Variants in LHFPL6 observed in about 807,000 individuals in gnomAD.
LHFPL6 encodes the protein LHFPL tetraspan subfamily member 6.
Under a neutral mutation model 20.6 loss-of-function variants are expected in LHFPL6, and 9 were observed. The observed-to-expected ratio is 0.44, with a 90% CI of 0.26 to 0.76. The LOEUF (loss-of-function observed/expected upper bound fraction) is 0.76. LHFPL6 is among the 30% of genes least tolerant of loss of function. The probability of loss-of-function intolerance (pLI) is 0.20; values close to 1 mark genes in which losing one functional copy is unlikely to be tolerated. For missense variants in LHFPL6, 218 were observed against 253.5 expected (o/e 0.86, Z 0.95); for synonymous variants, 105 against 98.7 (o/e 1.06, Z -0.38).
Position 39,601,002 on chromosome 13 carries a change from G to T in LHFPL6, c.215C>A (p.Ala72Asp). The stretch of plus-strand genomic sequence containing the variant: ...TGCGCTGGGGATGCCCTGGAAGGAG[G>T]CATAGCGCCCACATTCCTCCACCAT... ...MVMVEECGRY[A>D]SFQGIPSAEW... is the part of the protein sequence containing the mutation. The change falls in exon 2 of 4, where the codon GCC becomes GAC. Residue 72 changes from alanine to aspartate, a missense_variant. Coordinates refer to ENST00000379589, the MANE Select transcript of LHFPL6 (RefSeq NM_005780.3). 1 of 1,614,034 alleles carries T rather than the reference G, an allele frequency of 6.2e-7. No homozygotes were observed. Among genetic ancestry groups the T allele is most frequent in the Non-Finnish European group, 8.5e-7 (1 of 1,179,962 alleles).
At chr13:39,409,798 G>C (rs1871207623) in intron 2 of LHFPL6, among the ~76,000 whole-genome samples, 1 of 152,172 alleles carries the variant, frequency 6.6e-6, no homozygotes, top group Non-Finnish European at 1.5e-5. Context: ...AGGAAAGGAA[G>C]AAAGAAAAGG....
Position 39,517,258 on chromosome 13 carries a change from CA to C in LHFPL6, c.385+83573del, listed in dbSNP as rs1566130763. Among the ~76,000 whole-genome samples the C allele has an allele frequency of 2.6e-5, 4 of 152,166 alleles. No individual in the cohort carries two copies. The South Asian group carries it at 8.3e-4, about 32-fold the overall frequency. ...TGGAAAGAAAAGAAATAATGAAGTA[CA>C]AAGAGGATAAATGAAGACACCACAC... On this transcript the variant is annotated intron_variant, in intron 2 of 3. Transcript: ENST00000379589.
intron 2 of LHFPL6, among the ~76,000 whole-genome samples, chr13:39,417,643 T>G (rs1029759730): frequency 1.3e-5 from 2 of 152,114 alleles, no homozygotes; most frequent in African/African-American, 4.8e-5. Flanking sequence ...TCATCTTTAT[T>G]CCTCTCTTCT....
intron 2 of LHFPL6, among the ~76,000 whole-genome samples, chr13:39,521,702 G>T (rs1325506149): frequency 6.6e-6 from 1 of 152,110 alleles, no homozygotes; most frequent in Admixed American, 6.5e-5. Context: ...ATGTAGTCAC[G>T]ATAAAGAGTC....
At chr13:39,515,169 A>T (rs1176854167) in intron 2 of LHFPL6, among the ~76,000 whole-genome samples, 1 of 152,154 alleles carries the variant, frequency 6.6e-6, no homozygotes, top group East Asian at 1.9e-4. Context: ...ACTTTATGGT[A>T]TTTCTGACAA....
intron 3 of LHFPL6, among the ~76,000 whole-genome samples, chr13:39,377,886 C>CT (rs1235053755): frequency 6.6e-6 from 1 of 152,188 alleles, no homozygotes; most frequent in Non-Finnish European, 1.5e-5. Flanking sequence ...TTTTCCCATT[C>CT]TTTCCTTGTG....
At chr13:39,518,879 T>C (rs959213940) in intron 2 of LHFPL6, among the ~76,000 whole-genome samples, 4 of 152,354 alleles carry the variant, frequency 2.6e-5, no homozygotes, top group South Asian at 2.1e-4. Flanking sequence ...CAGTCCACGA[T>C]GGAACACGTC....
At chr13:39,586,895 G>A (rs554093523) in intron 2 of LHFPL6, among the ~76,000 whole-genome samples, 22 of 152,124 alleles carry the variant, frequency 1.4e-4, no homozygotes, top group South Asian at 6.2e-4. Flanking sequence ...GGTGGCTCAC[G>A]CCTGTAATCC....
At chr13:39,562,613 TAC>T (rs869097187) in intron 2 of LHFPL6, among the ~76,000 whole-genome samples, 18 of 60,588 alleles carry the variant, frequency 3.0e-4, no homozygotes, top group African/African-American at 8.5e-4. Flanking sequence ...TATACATATA[TAC>T]ACATATATAC....
chr13:39,542,098 TAA>T (rs1870823962), intron 2 of LHFPL6, among the ~76,000 whole-genome samples: 1 of 95,008 alleles, frequency 1.1e-5, no homozygotes, highest in African/African-American at 4.4e-5. Context: ...CTCAAAAATA[TAA>T]TAATAATAAT....
intron 2 of LHFPL6, among the ~76,000 whole-genome samples, chr13:39,535,753 A>G (rs563415038): frequency 3.5e-4 from 53 of 152,216 alleles, no homozygotes; most frequent in Non-Finnish European, 6.5e-4. Context: ...TAACTTGAAG[A>G]TTTGTTAGAG....
At chr13:39,549,914 G>A (rs1431888848) in intron 2 of LHFPL6, among the ~76,000 whole-genome samples, 2 of 152,006 alleles carry the variant, frequency 1.3e-5, no homozygotes, top group African/African-American at 2.4e-5. Flanking sequence ...AAAGAGGCCA[G>A]ACTCATAAGG....
chr13:39,348,880 G>T (rs1323740681), intron 3 of LHFPL6, among the ~76,000 whole-genome samples: 1 of 152,036 alleles, frequency 6.6e-6, no homozygotes, highest in African/African-American at 2.4e-5. Context: ...ATTGTTATCT[G>T]GATCCATTCC....
At chr13:39,419,094 A>G (rs1348651242) in intron 2 of LHFPL6, among the ~76,000 whole-genome samples, 3 of 152,168 alleles carry the variant, frequency 2.0e-5, no homozygotes, top group Admixed American at 2.0e-4. Context: ...ATCAGTCTAC[A>G]TTTCAAATGT....
At chr13:39,451,943 T>C (rs1413417797) in intron 2 of LHFPL6, among the ~76,000 whole-genome samples, 6 of 152,216 alleles carry the variant, frequency 3.9e-5, no homozygotes, top group South Asian at 2.1e-4. Flanking sequence ...TGTGTGTGTG[T>C]GTGTGCGCAT....
chr13:39,398,332 T>C (rs1233303702), intron 2 of LHFPL6, among the ~76,000 whole-genome samples: 1 of 152,246 alleles, frequency 6.6e-6, no homozygotes, highest in Non-Finnish European at 1.5e-5. Flanking sequence ...TTTGAGCTCT[T>C]TGAAGAACAA....
chr13:39,540,300 T>A (rs1870758126), intron 2 of LHFPL6, among the ~76,000 whole-genome samples: 1 of 152,172 alleles, frequency 6.6e-6, no homozygotes, highest in Non-Finnish European at 1.5e-5. Context: ...TAATTATTTA[T>A]GTATTAGTTA....
chr13:39,558,918 C>A (rs571151487), intron 2 of LHFPL6, among the ~76,000 whole-genome samples: 1 of 152,296 alleles, frequency 6.6e-6, no homozygotes, highest in East Asian at 1.9e-4. Context: ...TTAGAAAATT[C>A]CATTCTATGA....
At chr13:39,524,199 A>C (rs867183002) in intron 2 of LHFPL6, among the ~76,000 whole-genome samples, 8 of 152,204 alleles carry the variant, frequency 5.3e-5, no homozygotes, top group Non-Finnish European at 5.9e-5. Context: ...ATATCAATTT[A>C]GTATGTATTT....
Sources: allele counts gnomAD v4.1 joint callset (sites outside exome capture counted in the v4.1 genomes callset), GRCh38; gene constraint gnomAD v4.1.1; transcripts MANE v1.5; gene names NCBI Gene and HGNC (gene_info 2026-07-23, HGNC 2026-07-21).